DOCK11: variants seen among roughly 807,000 people sequenced by gnomAD.
The protein encoded by DOCK11 is dedicator of cytokinesis protein 11.
In DOCK11, 70 loss-of-function variants were observed where a neutral mutation model predicts 169.1. The observed-to-expected ratio is 0.41, with a 90% CI of 0.34 to 0.51. The LOEUF (loss-of-function observed/expected upper bound fraction) is 0.51. Among genes scored for constraint, DOCK11 ranks in the 20% least tolerant of loss-of-function variants. The pLI is 0.10. For missense variants in DOCK11, 1,166 were observed against 1,538.8 expected, an observed-to-expected ratio of 0.76 and a Z score of 4.05; for synonymous variants, 529 against 541.3, an observed-to-expected ratio of 0.98 and a Z score of 0.32.
intron 1 of DOCK11, among the ~76,000 whole-genome samples, chrX:118,526,288 GTCC>G (rs1279145072): frequency 1.8e-5 from 2 of 112,186 alleles, no homozygotes; most frequent in Admixed American, 9.5e-5. Flanking sequence ...ATTGAATCAA[GTCC>G]TCCTCATACC....
At chrX:118,515,313 A>G (rs2057675629) in intron 1 of DOCK11, among the ~76,000 whole-genome samples, 1 of 112,061 alleles carries the variant, frequency 8.9e-6, no homozygotes. Flanking sequence ...GGCTTACCGC[A>G]ACCTCCGCCT....
At chrX:118,526,795 A>G (rs1453371531) in intron 1 of DOCK11, among the ~76,000 whole-genome samples, 3 of 112,606 alleles carry the variant, frequency 2.7e-5, no homozygotes, top group South Asian at 3.6e-4. Flanking sequence ...GGAAAATGGG[A>G]TATTATTTAA....
intron 40 of DOCK11, among the ~76,000 whole-genome samples, chrX:118,647,791 ATT>A (rs2015764405): frequency 3.2e-4 from 9 of 28,487 alleles, no homozygotes; most frequent in African/African-American, 2.1e-3. Flanking sequence ...TATATAATAT[ATT>A]ATAATATATA....
intron 45 of DOCK11, 119 bp downstream of exon 45, chrX:118,662,911 T>C (rs923769502): frequency 2.0e-6 from 1 of 495,123 alleles, no homozygotes; most frequent in Non-Finnish European, 3.5e-6. Context: ...TAATGAACTT[T>C]AAGTATTAAA....
rs756829853 is a variant in DOCK11, at chrX:118,507,193, A to G, written c.102+11120A>G. On this transcript the variant is annotated intron_variant, in intron 1 of 52. Coordinates refer to ENST00000276202, the MANE Select transcript of DOCK11 (RefSeq NM_144658.4). The stretch of plus-strand genomic sequence containing the variant: ...AAGCTGCTAAGAAATGTTAGAAGAT[A>G]TTCTGATACTTCAGCGTTCCCATCG... 5.3e-5 allele frequency among the ~76,000 whole-genome samples: 6 copies of G among 112,279 alleles called. No homozygotes were observed. In the East Asian group the frequency reaches 1.1e-3, roughly 21 times the overall value.
Position 118,605,337 on chromosome X carries a change from G to T in DOCK11, c.2662G>T (p.Val888Phe). Residue 888 changes from valine to phenylalanine, a missense_variant, in exon 24 of 53, where the codon GTT (valine) becomes TTT (phenylalanine). Val to Phe is a conservative substitution (Grantham distance 50). Transcript: ENST00000276202. ...VLTNMTHEDDVPINCTMVLLH... is the reference protein window; with the variant it reads ...VLTNMTHEDDFPINCTMVLLH... ...CACAAATATGACCCATGAAGATGAC[G>T]TTCCTATCAACTGCACCATGTGAGT... The T allele has an allele frequency of 2.5e-6, 3 of 1,180,805 alleles. No individual in the cohort carries two copies. The highest frequency in any genetic ancestry group is 3.4e-6 in the Non-Finnish European group (3 of 873,323).
At chrX:118,567,432 A>AT (rs746150692) in intron 9 of DOCK11, among the ~76,000 whole-genome samples, 1,106 of 92,286 alleles carry the variant, frequency 0.012, 10 homozygotes, top group East Asian at 0.041. Flanking sequence ...CTAATCTAGG[A>AT]TTTTTTTTTT....
chrX:118,590,821 T>A (rs1184290854), intron 19 of DOCK11, among the ~76,000 whole-genome samples: 1 of 111,026 alleles, frequency 9.0e-6, no homozygotes, highest in Non-Finnish European at 1.9e-5. Flanking sequence ...CATAAAGGGG[T>A]ATGGTTGGGT....
At chrX:118,498,804 C>T (rs1239659747) in intron 1 of DOCK11, among the ~76,000 whole-genome samples, 1 of 110,461 alleles carries the variant, frequency 9.1e-6, no homozygotes, top group Non-Finnish European at 1.9e-5. Flanking sequence ...CCCTTGTTGG[C>T]CTGTTGCTAA....
chrX:118,560,595 C>T lies in DOCK11; in HGVS notation c.559-788C>T, dbSNP rs2012874358. Among the ~76,000 whole-genome samples the T allele has an allele frequency of 2.7e-5, 3 of 111,845 alleles. No homozygotes were observed. In the South Asian group the frequency reaches 1.1e-3, roughly 42 times the overall value. On this transcript the variant is annotated intron_variant, in intron 6 of 52. Transcript: ENST00000276202. ...GCAGTTTGTGACTTACTGAAAGAAG[C>T]ATCAATTCATCAGAGAGCTCCTAAT...
intron 35 of DOCK11, chrX:118,632,886 G>A (rs917674423): frequency 9.6e-6 from 1 of 104,181 alleles, no homozygotes; most frequent in Non-Finnish European, 2.0e-5. Flanking sequence ...TACCAGTTAC[G>A]AAGTCTGAAT....
At chrX:118,667,386 G>A (rs1294449442) in intron 45 of DOCK11, among the ~76,000 whole-genome samples, 1 of 106,665 alleles carries the variant, frequency 9.4e-6, no homozygotes, top group Non-Finnish European at 1.9e-5. Context: ...TTCATTTGTG[G>A]AATGAAATAG....
In DOCK11 at chrX:118,648,047, T is replaced by C. The variant is rs1341999812; in HGVS notation, c.4399-898T>C. 1.5e-3 allele frequency among the ~76,000 whole-genome samples: 86 copies of C among 56,718 alleles called. 2 individuals carry two copies. The highest frequency in any genetic ancestry group is 6.0e-3 in the African/African-American group (81 of 13,486). The allele number at this position is 56,718 out of a possible 115,157, so 49.3% of individuals were successfully genotyped here. On this transcript the variant is annotated intron_variant, in intron 40 of 52. Transcript: ENST00000276202. ...ATTATAATATTATATAATAATATAA[T>C]ATATAATATATAATATAAATTGTAA...
intron 40 of DOCK11, among the ~76,000 whole-genome samples, chrX:118,647,621 GATATATTATATGTTA>G (rs1405197560): frequency 1.0e-3 from 50 of 50,060 alleles, no homozygotes; most frequent in African/African-American, 1.4e-3. Flanking sequence ...TAATATATAA[GATATATTATATGTTA>G]ATATATTATA....
chrX:118,631,619 A>G (rs893169040), intron 35 of DOCK11, among the ~76,000 whole-genome samples: 5 of 111,615 alleles, frequency 4.5e-5, no homozygotes, highest in Non-Finnish European at 9.4e-5. Flanking sequence ...TTTATGATAA[A>G]TGAATCTCTC....
chrX:118,584,379 T>C (rs916109672), intron 14 of DOCK11, among the ~76,000 whole-genome samples: 5 of 112,719 alleles, frequency 4.4e-5, no homozygotes, highest in African/African-American at 1.6e-4. Flanking sequence ...GAATATGTAG[T>C]TCATTTTGAG....
chrX:118,517,426 G>A (rs758705560), intron 1 of DOCK11, among the ~76,000 whole-genome samples: 1 of 107,426 alleles, frequency 9.3e-6, no homozygotes, highest in Non-Finnish European at 1.9e-5. Context: ...GCCTATCTCG[G>A]ATGGTGGGAT....
chrX:118,556,190 G>A (rs1189485739), intron 6 of DOCK11, among the ~76,000 whole-genome samples: 3 of 107,935 alleles, frequency 2.8e-5, no homozygotes, highest in African/African-American at 6.8e-5. Flanking sequence ...GATTACAGGT[G>A]TGCACCACCA....
intron 20 of DOCK11, 109 bp from the exon 21 acceptor site, chrX:118,597,322 C>T (rs1266255035): frequency 1.4e-5 from 15 of 1,037,455 alleles, no homozygotes; most frequent in South Asian, 8.4e-5. Flanking sequence ...CTCCCACATA[C>T]AGATCCCTGG....
Sources: gnomAD v4.1 joint callset for allele counts (sites outside exome capture counted in the v4.1 genomes callset) on GRCh38, gnomAD v4.1.1 for gene constraint, MANE v1.5 for transcripts, NCBI Gene and HGNC (gene_info 2026-07-23, HGNC 2026-07-21) for gene names.